Variants in CNPY1 observed in about 807,000 individuals in gnomAD.
CNPY1 encodes the protein canopy FGF signaling regulator 1, also known as protein canopy homolog 1.
CNPY1 carries 14 observed loss-of-function variants against 14.4 expected under a neutral mutation model. The observed-to-expected ratio is 0.97, with a 90% CI of 0.64 to 1.52. The LOEUF (loss-of-function observed/expected upper bound fraction) is 1.52. Ranked by LOEUF, CNPY1 falls within the 40% of genes most tolerant of loss-of-function variation. The pLI, the probability that CNPY1 is intolerant of heterozygous loss-of-function variation, is 0.00. For synonymous variants in CNPY1, 43 were observed against 46.5 expected, an observed-to-expected ratio of 0.92 and a Z score of 0.31; for missense variants, 129 against 131.5, an observed-to-expected ratio of 0.98 and a Z score of 0.09.
chr7:155,532,476 C>T (rs1585330299), intron 2 of CNPY1, among the ~76,000 whole-genome samples: 1 of 136,348 alleles, frequency 7.3e-6, no homozygotes, highest in African/African-American at 2.6e-5. Context: ...AAAAAATTAG[C>T]CGGGCACGGT....
intron 2 of CNPY1, among the ~76,000 whole-genome samples, chr7:155,524,401 G>C (rs1036014064): frequency 1.3e-5 from 2 of 152,232 alleles, no homozygotes; most frequent in African/African-American, 4.8e-5. Flanking sequence ...AACTGCAGGA[G>C]GTGAACAGCA....
At chr7:155,520,440 T>C (rs1312516207) in intron 2 of CNPY1, among the ~76,000 whole-genome samples, 2 of 138,536 alleles carry the variant, frequency 1.4e-5, no homozygotes, top group Non-Finnish European at 3.1e-5. Flanking sequence ...TTTTTTTTTT[T>C]TTTTTTTTTT....
intron 2 of CNPY1, among the ~76,000 whole-genome samples, chr7:155,544,326 AAAG>A (rs1797134597): frequency 6.6e-6 from 1 of 152,180 alleles, no homozygotes; most frequent in South Asian, 2.1e-4. Flanking sequence ...AGCTGTCAAT[AAAG>A]AAGGGCCACC....
intron 2 of CNPY1, among the ~76,000 whole-genome samples, chr7:155,523,376 C>G (rs1358198331): frequency 6.6e-6 from 1 of 152,070 alleles, no homozygotes; most frequent in Non-Finnish European, 1.5e-5. Flanking sequence ...AGTGGTGTTT[C>G]ACGAGGGGCT....
In CNPY1 at chr7:155,503,064, A is replaced by G. The variant is rs377381883; in HGVS notation, c.*4T>C. ...TCCTCTCTACGACCAGCAGAACGGC[A>G]CTCCTAGAGCTCAGTATGATTAGCA... On this transcript the variant is annotated 3_prime_UTR_variant, in exon 5 of 5. Transcript: ENST00000636446. The G allele has an allele frequency of 1.9e-6, 3 of 1,609,140 alleles. No individual in the cohort carries two copies. The highest frequency in any genetic ancestry group is 1.7e-6 in the Non-Finnish European group (2 of 1,178,854).
Position 155,503,003 on chromosome 7 carries a change from TA to T in CNPY1, c.*64del. The T allele has an allele frequency of 7.0e-7, 1 of 1,433,048 alleles. No homozygotes were observed. Among genetic ancestry groups the T allele is most frequent in the African/African-American group, 1.4e-5 (1 of 69,492 alleles). The allele number at this position is 1,433,048 out of a possible 1,614,324, so 88.8% of individuals were successfully genotyped here. On this transcript the variant is annotated 3_prime_UTR_variant, in exon 5 of 5. Transcript: ENST00000636446. ...TATCATGAAAGACAACATGCAAACA[TA>T]AAATGCAGACATTGACCTTTGGGTG...
At chr7:155,505,070 C>T (rs1227768448) in intron 4 of CNPY1, among the ~76,000 whole-genome samples, 2 of 152,132 alleles carry the variant, frequency 1.3e-5, no homozygotes, top group African/African-American at 2.4e-5. Context: ...TCCTTGTTAT[C>T]GTGCTATTAA....
chr7:155,508,303 A>G (rs1040736724), intron 3 of CNPY1, among the ~76,000 whole-genome samples: 5 of 152,226 alleles, frequency 3.3e-5, no homozygotes, highest in Admixed American at 1.3e-4. Context: ...TAACTATCAT[A>G]CCTAAGCCTT....
rs144795725 is a variant in CNPY1, at chr7:155,505,657, T to C, written c.400+1363A>G. On this transcript the variant is annotated intron_variant, in intron 4 of 4. Transcript: ENST00000636446. ...TGTAGCAGTGGATCTGCGTTTGTCA[T>C]AGACCACGTCCTTTATGAGGAAAAA... Among the ~76,000 whole-genome samples, 14 of 152,338 alleles carry C rather than the reference T, an allele frequency of 9.2e-5. No homozygotes were observed. The East Asian group carries it at 2.7e-3, about 29-fold the overall frequency.
At chr7:155,539,754 C>A (rs1309722604) in intron 2 of CNPY1, among the ~76,000 whole-genome samples, 2 of 152,174 alleles carry the variant, frequency 1.3e-5, no homozygotes, top group Non-Finnish European at 2.9e-5. Flanking sequence ...GAGACTCCAA[C>A]AAGGGCAAGA....
In CNPY1 at chr7:155,501,943, A is replaced by T. The variant is rs1796123109; in HGVS notation, c.*1125T>A. The stretch of plus-strand genomic sequence containing the variant: ...AGAGTCAGGAGAATGATTTAAACAC[A>T]TAATGTGCTTTTTAAGCAACTAAGT... On this transcript the variant is annotated 3_prime_UTR_variant, in exon 5 of 5. Transcript: ENST00000636446. 7.8e-6 allele frequency: 1 copy of T among 127,574 alleles called. No homozygotes were observed. Among genetic ancestry groups the T allele is most frequent in the African/African-American group, 2.9e-5 (1 of 33,942 alleles). The allele number at this position is 127,574 out of a possible 1,614,324, so 7.9% of individuals were successfully genotyped here.
chr7:155,514,818 C>T lies in CNPY1; in HGVS notation c.100-5721G>A, dbSNP rs546273181. Among the ~76,000 whole-genome samples the T allele has an allele frequency of 9.2e-5, 14 of 152,164 alleles. No homozygotes were observed. In the South Asian group the frequency reaches 1.7e-3, roughly 18 times the overall value. ...CTAAGGCGGGAGAATCGCTTGAACCCGGGAGGTGGAGGTTGCGGTGAGCCG... is the reference window on the plus strand; with the variant it reads ...CTAAGGCGGGAGAATCGCTTGAACCTGGGAGGTGGAGGTTGCGGTGAGCCG... On this transcript the variant is annotated intron_variant, in intron 2 of 4. Coordinates refer to ENST00000636446, the MANE Select transcript of CNPY1 (RefSeq NM_001393663.1).
rs1026551870 is a variant in CNPY1, at chr7:155,536,421, C to T, written c.99+9410G>A. Among the ~76,000 whole-genome samples, 5 of 152,134 alleles carry T rather than the reference C, an allele frequency of 3.3e-5. No homozygotes were observed. Among genetic ancestry groups the T allele is most frequent in the Non-Finnish European group, 7.3e-5 (5 of 68,028 alleles). On this transcript the variant is annotated intron_variant, in intron 2 of 4. Coordinates refer to ENST00000636446, the MANE Select transcript of CNPY1 (RefSeq NM_001393663.1). This position sits in a 1 kb window ranked among gnomAD's most constrained non-coding sequence, Gnocchi z 4.1. ...GCCATACTGAGGTGCCTTTCTTTGT[C>T]CCATGCTACCAGGCTTCTCTCCAGT...
intron 2 of CNPY1, among the ~76,000 whole-genome samples, chr7:155,543,870 G>A (rs1040984221): frequency 2.0e-5 from 3 of 152,228 alleles, no homozygotes; most frequent in African/African-American, 7.2e-5. Flanking sequence ...GCGACTCTAA[G>A]ATTGCCTTAG....
At chr7:155,510,072 A>G (rs1403564035) in intron 2 of CNPY1, among the ~76,000 whole-genome samples, 2 of 152,206 alleles carry the variant, frequency 1.3e-5, no homozygotes, top group Non-Finnish European at 2.9e-5. Flanking sequence ...TTTGCATGAC[A>G]ACCGCAGTGA....
intron 2 of CNPY1, among the ~76,000 whole-genome samples, chr7:155,514,239 C>T (rs866223927): frequency 3.5e-4 from 54 of 152,244 alleles, no homozygotes; most frequent in African/African-American, 1.3e-3. Context: ...CTAATTCCGA[C>T]GTTTAAAAAG....
chr7:155,524,725 T>C (rs141997092), intron 2 of CNPY1, among the ~76,000 whole-genome samples: 5,416 of 152,272 alleles, frequency 0.036, 149 homozygotes, highest in Non-Finnish European at 0.056. Context: ...AATGTAATAA[T>C]AGAAATAAAA....
intron 2 of CNPY1, chr7:155,510,503 CG>C (rs1796504792): frequency 6.6e-6 from 1 of 152,256 alleles, no homozygotes; most frequent in Non-Finnish European, 1.5e-5. Flanking sequence ...TTCTCCCCCA[CG>C]ACTCGGCTGG....
intron 2 of CNPY1, among the ~76,000 whole-genome samples, chr7:155,527,060 T>TCTTTCTTTCTTTC (rs57894007): frequency 1.8e-4 from 25 of 140,084 alleles, no homozygotes; most frequent in South Asian, 2.3e-4. Context: ...CTTTCTTTTT[T>TCTTTCTTTCTTTC]TTTTTTTTTT....
Sources: gnomAD v4.1 joint callset for allele counts (sites outside exome capture counted in the v4.1 genomes callset) on GRCh38, gnomAD v4.1.1 for gene constraint, Gnocchi (gnomAD v3.1) non-coding constraint, MANE v1.5 for transcripts, NCBI Gene and HGNC (gene_info 2026-07-23, HGNC 2026-07-21) for gene names.